Variants in POU6F2 observed in about 807,000 individuals in gnomAD.
The protein encoded by POU6F2 is POU class 6 homeobox 2.
Under a neutral mutation model 71.3 loss-of-function variants are expected in POU6F2, and 31 were observed. The ratio of observed to expected loss-of-function variants is 0.43; its 90% confidence interval spans 0.33 to 0.59. The LOEUF is 0.59. Ranked by LOEUF, POU6F2 falls within the 20% of genes least tolerant of loss-of-function variation. The pLI is 0.04. For synonymous variants in POU6F2, 347 were observed against 355.7 expected, an observed-to-expected ratio of 0.98 and a Z score of 0.27; for missense variants, 783 against 856.8, an observed-to-expected ratio of 0.91 and a Z score of 1.07.
At chr7:39,282,854 C>G (rs1192546231) in intron 4 of POU6F2, among the ~76,000 whole-genome samples, 1 of 152,066 alleles carries the variant, frequency 6.6e-6, no homozygotes, top group Non-Finnish European at 1.5e-5. Context: ...TGCATTGAAT[C>G]TATAGATCAC....
chr7:39,426,257 T>C (rs1198225109), intron 6 of POU6F2, among the ~76,000 whole-genome samples: 2 of 152,200 alleles, frequency 1.3e-5, no homozygotes, highest in African/African-American at 4.8e-5. Context: ...AGGCCAACTC[T>C]TGGGGGCACT....
At chr7:39,433,023 G>A in intron 6 of POU6F2, 54 bp from the exon 7 acceptor site, 1 of 1,574,122 alleles carries the variant, frequency 6.4e-7, no homozygotes, top group Non-Finnish European at 8.7e-7. Flanking sequence ...GTCTTCAGTT[G>A]CATGCACAGA....
chr7:39,185,005 A>G (rs1793504745), intron 2 of POU6F2, among the ~76,000 whole-genome samples: 1 of 152,176 alleles, frequency 6.6e-6, no homozygotes, highest in Non-Finnish European at 1.5e-5. Context: ...AGTCTTATTT[A>G]TTTGTATACG....
At chr7:39,208,748 C>T (rs1052561907) in intron 4 of POU6F2, among the ~76,000 whole-genome samples, 7 of 152,114 alleles carry the variant, frequency 4.6e-5, no homozygotes, top group East Asian at 1.9e-4. Flanking sequence ...GCCCAGGATA[C>T]GCTAATGCAC....
intron 2 of POU6F2, among the ~76,000 whole-genome samples, chr7:39,110,305 CTT>C (rs1323676860): frequency 6.7e-6 from 1 of 149,912 alleles, no homozygotes; most frequent in Admixed American, 6.6e-5. Flanking sequence ...ATTATATAAT[CTT>C]ATAATTATAT....
chr7:39,425,725 C>CCTT (rs1562547654), intron 6 of POU6F2, among the ~76,000 whole-genome samples: 1 of 152,072 alleles, frequency 6.6e-6, no homozygotes, highest in African/African-American at 2.4e-5. Context: ...CTCTCTTTTC[C>CCTT]CTTGTCTCCT....
chr7:39,423,473 CTGAGTGAG>C (rs564651070), intron 6 of POU6F2, among the ~76,000 whole-genome samples: 40 of 137,364 alleles, frequency 2.9e-4, no homozygotes, highest in African/African-American at 1.0e-3. Flanking sequence ...AAAGGATTTG[CTGAGTGAG>C]TGAGTGAGTG....
intron 4 of POU6F2, among the ~76,000 whole-genome samples, chr7:39,237,117 C>A (rs1170613899): frequency 6.6e-6 from 1 of 152,114 alleles, no homozygotes; most frequent in Non-Finnish European, 1.5e-5. Flanking sequence ...GGGAAAACAG[C>A]CCTAAGTCAG....
chr7:38,988,790 G>A (rs1037546910), intron 1 of POU6F2, among the ~76,000 whole-genome samples: 11 of 152,182 alleles, frequency 7.2e-5, no homozygotes, highest in Admixed American at 4.6e-4. Context: ...GAATTGGTCC[G>A]GAGAATGCTG....
At chr7:39,054,581 C>T (rs900645737) in intron 1 of POU6F2, among the ~76,000 whole-genome samples, 3 of 151,876 alleles carry the variant, frequency 2.0e-5, no homozygotes, top group African/African-American at 2.4e-5. Flanking sequence ...GCCCTCTAAG[C>T]ATGAATACAG....
intron 4 of POU6F2, among the ~76,000 whole-genome samples, chr7:39,331,733 A>G (rs1785656379): frequency 6.6e-6 from 1 of 151,986 alleles, no homozygotes; most frequent in African/African-American, 2.4e-5. Context: ...CTGGTCTCGA[A>G]CTCCTGACCT....
At chr7:39,033,443 G>A in intron 1 of POU6F2, among the ~76,000 whole-genome samples, 1 of 152,168 alleles carries the variant, frequency 6.6e-6, no homozygotes, top group East Asian at 1.9e-4. Flanking sequence ...CGAATGATCT[G>A]AGATTACAAA....
rs113005723 is a variant in POU6F2, at chr7:39,178,632, A to T, written c.278-25603A>T. ...AAACCTTGTGATCTTCATAAAGTTGAGTCTTTTCATGAAAAATATCTCCAC... is the reference window on the plus strand; with the variant it reads ...AAACCTTGTGATCTTCATAAAGTTGTGTCTTTTCATGAAAAATATCTCCAC... On this transcript the variant is annotated intron_variant, in intron 2 of 9. Transcript: ENST00000518318. Among the ~76,000 whole-genome samples, 282 of 152,298 alleles carry T rather than the reference A, an allele frequency of 1.9e-3. 4 individuals are homozygous for T. Among genetic ancestry groups the T allele is most frequent in the African/African-American group, 6.4e-3 (268 of 41,570 alleles).
chr7:39,420,249 C>T (rs139410692), intron 6 of POU6F2, among the ~76,000 whole-genome samples: 62 of 152,234 alleles, frequency 4.1e-4, no homozygotes, highest in African/African-American at 1.4e-3. Flanking sequence ...TATAAAAGAA[C>T]TATTTAGGAT....
chr7:39,281,881 T>A (rs73128452), intron 4 of POU6F2, among the ~76,000 whole-genome samples: 20,294 of 152,078 alleles, frequency 0.13, 1,324 homozygotes, highest in East Asian at 0.16. Context: ...AACCCCATAC[T>A]GTTTTCCAAA....
intron 1 of POU6F2, among the ~76,000 whole-genome samples, chr7:39,012,090 G>A (rs946211656): frequency 3.3e-5 from 5 of 151,670 alleles, no homozygotes; most frequent in Non-Finnish European, 5.9e-5. Flanking sequence ...GATTGGGGAA[G>A]TTCTCCTGGA....
intron 8 of POU6F2, among the ~76,000 whole-genome samples, chr7:39,454,622 G>A (rs1788739841): frequency 8.6e-6 from 1 of 116,086 alleles, no homozygotes; most frequent in Admixed American, 9.9e-5. Flanking sequence ...AGTCTTATGA[G>A]CTCTGTGCCA....
Position 39,204,227 on chromosome 7 carries a change from A to C in POU6F2, c.278-8A>C. 6.2e-7 allele frequency: 1 copy of C among 1,612,278 alleles called. No homozygotes were observed. Among genetic ancestry groups the C allele is most frequent in the African/African-American group, 1.3e-5 (1 of 74,956 alleles). Reference sequence around the variant, plus strand: ...ATATTAAGGGAGTATTTCTCTTTTGAATTCCAGGGGCTAGAGGAAACCCAG... The same window carrying C: ...ATATTAAGGGAGTATTTCTCTTTTGCATTCCAGGGGCTAGAGGAAACCCAG... On this transcript the variant is annotated splice_polypyrimidine_tract_variant and splice_region_variant and intron_variant, in intron 2 of 9. Transcript: ENST00000518318.
chr7:38,999,532 C>A (rs765585535), intron 1 of POU6F2, among the ~76,000 whole-genome samples: 1 of 152,048 alleles, frequency 6.6e-6, no homozygotes, highest in Non-Finnish European at 1.5e-5. Context: ...ATATGTGTAA[C>A]TGGTTAAGTT....
Sources: allele counts gnomAD v4.1 joint callset (sites outside exome capture counted in the v4.1 genomes callset), GRCh38; gene constraint gnomAD v4.1.1; transcripts MANE v1.5; gene names NCBI Gene and HGNC (gene_info 2026-07-23, HGNC 2026-07-21).